The following MYNN variants were observed in gnomAD, a reference collection of about 807,000 sequenced individuals.
The protein encoded by MYNN is zinc finger and BTB domain-containing protein 31.
Under a neutral mutation model 57.2 loss-of-function variants are expected in MYNN, and 22 were observed. The observed-to-expected ratio is 0.38, with a 90% CI of 0.27 to 0.55. The LOEUF is 0.55. Ranked by LOEUF, MYNN falls within the 20% of genes least tolerant of loss-of-function variation. MYNN has a pLI of 0.71. For synonymous variants in MYNN, 241 were observed against 257.1 expected (o/e 0.94, Z 0.60); for missense variants, 566 against 723.1 (o/e 0.78, Z 2.49).
chr3:169,784,818 G>T, intron 7 of MYNN, 110 bp downstream of exon 7: 1 of 600,102 alleles, frequency 1.7e-6, no homozygotes, highest in Non-Finnish European at 2.7e-6. Context: ...GTTTAAATTA[G>T]ATGTCTATTT....
Position 169,784,633 on chromosome 3 carries a change from T to C in MYNN, c.1495T>C (p.Phe499Leu), listed in dbSNP as rs747161611. Residue 499 changes from phenylalanine (F) to leucine (L), a missense_variant, in exon 7 of 8, where the codon TTT (phenylalanine) becomes CTT (leucine). Phe to Leu is a conservative substitution (Grantham distance 22). Around this residue, in one of 4 missense-constraint regions of MYNN, gnomAD observed 156 missense variants for 163.9 expected, o/e 0.95. Transcript: ENST00000349841. ...AATTTGTTTTTCAGGAGAAAGACCA[T>C]TTATCTGCGAATTATGTGGAAATTC... ...HFRSHTGERP[F>L]ICELCGNSYT... is the part of the protein sequence containing the mutation. 1.3e-6 allele frequency: 2 copies of C among 1,568,700 alleles called. No homozygotes were observed. The highest frequency in any genetic ancestry group is 1.7e-4 in the Middle Eastern group (1 of 5,952).
Position 169,782,459 on chromosome 3 carries a change from T to G in MYNN, c.1221-6T>G. On this transcript the variant is annotated splice_polypyrimidine_tract_variant and splice_region_variant and intron_variant, in intron 4 of 7. Coordinates refer to ENST00000349841, the MANE Select transcript of MYNN (RefSeq NM_018657.5). This position sits in a 1 kb window ranked among gnomAD's most constrained non-coding sequence, Gnocchi z 4.8. ...GTTTTACTTATTTAACTTTATTTAC[T>G]AACAGGAAGCATAGTGGAGAGAAGC... The G allele has an allele frequency of 6.3e-7, 1 of 1,596,858 alleles. No individual in the cohort carries two copies. The highest frequency in any genetic ancestry group is 8.5e-7 in the Non-Finnish European group (1 of 1,172,386).
intron 4 of MYNN, among the ~76,000 whole-genome samples, chr3:169,781,038 CAG>C (rs1341527452): frequency 6.6e-6 from 1 of 152,144 alleles, no homozygotes; most frequent in African/African-American, 2.4e-5. Flanking sequence ...AGAGTGGAAT[CAG>C]GGTAAACAGG....
At position 169,789,460 on chromosome 3, in the gene MYNN, A is replaced by C. The variant is rs371392440; in HGVS notation, c.*2782A>C. 1 of 152,196 alleles carries C rather than the reference A, an allele frequency of 6.6e-6. No homozygotes were observed. Among genetic ancestry groups the C allele is most frequent in the Admixed American group, 6.6e-5 (1 of 15,262 alleles). The allele number at this position is 152,196 out of a possible 1,614,324, so 9.4% of individuals were successfully genotyped here. A position where few individuals can be genotyped will look rare whatever the true frequency, so the allele number is the denominator to read the frequency against. ...TTGAATCAGACAGTTCCCAGGGCAT[A>C]TATATGCTGGGGAAGCCCCATAGGT... On this transcript the variant is annotated 3_prime_UTR_variant, in exon 8 of 8. Transcript: ENST00000349841.
chr3:169,785,488 T>C (rs574252264), intron 7 of MYNN, among the ~76,000 whole-genome samples: 78 of 151,912 alleles, frequency 5.1e-4, no homozygotes, highest in African/African-American at 1.7e-3. Context: ...ACTAAATAAA[T>C]AGGGAAAATG....
At position 169,786,784 on chromosome 3, in the gene MYNN, T is replaced by G; in HGVS notation, c.*106T>G. 4 of 1,198,260 alleles carry G rather than the reference T, an allele frequency of 3.3e-6. No individual in the cohort carries two copies. The highest frequency in any genetic ancestry group is 4.6e-6 in the Non-Finnish European group (4 of 865,792). The allele number at this position is 1,198,260 out of a possible 1,614,324, so 74.2% of individuals were successfully genotyped here. On this transcript the variant is annotated 3_prime_UTR_variant, in exon 8 of 8. Transcript: ENST00000349841. ...CCATTCATTTGAGTTGTGACCATTA[T>G]TTTTCATTCACTGAAGTAAAAGCAC...
chr3:169,779,339 G>A lies in MYNN; in HGVS notation c.838G>A (p.Val280Ile), dbSNP rs758209090. 1.2e-5 allele frequency: 20 copies of A among 1,614,054 alleles called. No individual in the cohort carries two copies. Among genetic ancestry groups the A allele is most frequent in the South Asian group, 9.9e-5 (9 of 91,090 alleles). ...ACACTCTATGTCTAATATAGCCAGC[G>A]TCAAGAGTCCTTATGAGGCGGAGAA... is the stretch of plus-strand genomic sequence containing the variant. Reference protein sequence around the residue: ...KEHSMSNIASVKSPYEAENSG... With the variant: ...KEHSMSNIASIKSPYEAENSG... The change falls in exon 3 of 8, where the codon GTC becomes ATC. Residue 280 changes from valine to isoleucine, a missense_variant. Physicochemically the swap from Val to Ile is conservative, Grantham distance 29. Transcript: ENST00000349841.
chr3:169,778,959 G>C lies in MYNN; in HGVS notation c.458G>C (p.Arg153Pro). The C allele has an allele frequency of 1.2e-6, 2 of 1,613,694 alleles. No homozygotes were observed. Among genetic ancestry groups the C allele is most frequent in the Non-Finnish European group, 1.7e-6 (2 of 1,179,978 alleles). ...CTTACTCTGCGAGATTATAATAATC[G>C]AGAGAAATCAGAAGTATCTACAGAT... The part of the protein sequence containing the change: ...CLLTLRDYNN[R>P]EKSEVSTDLI... Residue 153 changes from arginine to proline, a missense_variant, in exon 3 of 8, where the codon CGA becomes CCA. By Grantham distance (103) the Arg-to-Pro change is moderately radical. This residue lies in a region of MYNN where 261 missense variants were observed against 280.8 expected (regional missense o/e 0.93). Coordinates refer to ENST00000349841, the MANE Select transcript of MYNN (RefSeq NM_018657.5).
intron 1 of MYNN, 82 bp downstream of exon 1, chr3:169,773,544 C>A (rs1577390821): frequency 1.3e-5 from 2 of 152,652 alleles, no homozygotes; most frequent in East Asian, 3.8e-4. Context: ...CTTGGAGTTC[C>A]AGCACGGGTC....
At chr3:169,778,447 G>T (rs1577395298) in intron 2 of MYNN, 1 of 197,606 alleles carries the variant, frequency 5.1e-6, no homozygotes. Flanking sequence ...AATGGAGGAG[G>T]TAGTGAGTTA....
At chr3:169,784,015 G>A (rs1778599009) in intron 6 of MYNN, among the ~76,000 whole-genome samples, 1 of 151,904 alleles carries the variant, frequency 6.6e-6, no homozygotes, top group South Asian at 2.1e-4. Context: ...AAAGGAAAAT[G>A]CCACTTTGAA....
In MYNN at chr3:169,774,262, T is replaced by G; in HGVS notation, c.-31-3T>G. On this transcript the variant is annotated splice_polypyrimidine_tract_variant and splice_region_variant and intron_variant, in intron 1 of 7. Transcript: ENST00000349841. ...TGATTTACTGTTTCTTTTTGTCTTTTAGATCAAGGGTAAAATTCCATTCTG... is the reference window on the plus strand; with the variant it reads ...TGATTTACTGTTTCTTTTTGTCTTTGAGATCAAGGGTAAAATTCCATTCTG... 1 of 1,602,866 alleles carries G rather than the reference T, an allele frequency of 6.2e-7. No homozygotes were observed. Among genetic ancestry groups the G allele is most frequent in the African/African-American group, 1.3e-5 (1 of 74,618 alleles).
In MYNN at chr3:169,782,376, G is replaced by T; in HGVS notation, c.1221-89G>T. 8.2e-6 allele frequency: 9 copies of T among 1,095,358 alleles called. No homozygotes were observed. Among genetic ancestry groups the T allele is most frequent in the Non-Finnish European group, 1.2e-5 (9 of 772,230 alleles). The allele number at this position is 1,095,358 out of a possible 1,614,324, so 67.9% of individuals were successfully genotyped here. A position where few individuals can be genotyped will look rare whatever the true frequency, so the allele number is the denominator to read the frequency against. Reference sequence around the variant, plus strand: ...TAGTCTTGGCCTGTTAAGATGACATGAAATAAAATCTATAAAAAACTTTAT... The same window carrying T: ...TAGTCTTGGCCTGTTAAGATGACATTAAATAAAATCTATAAAAAACTTTAT... On this transcript the variant is annotated intron_variant, in intron 4 of 7. Transcript: ENST00000349841. This position sits in a 1 kb window ranked among gnomAD's most constrained non-coding sequence, Gnocchi z 4.8.
chr3:169,788,086 T>C lies in MYNN; in HGVS notation c.*1408T>C, dbSNP rs1778722767. 1 of 152,134 alleles carries C rather than the reference T, an allele frequency of 6.6e-6. No homozygotes were observed. The highest frequency in any genetic ancestry group is 1.5e-5 in the Non-Finnish European group (1 of 67,988). 9.4% of individuals were successfully genotyped at this position (152,134 alleles called of 1,614,324 possible). ...CTACACCTGTAGTACAGTTAATATGTTTTTTATTGGTATTGATTTCTTTAA... is the reference window on the plus strand; with the variant it reads ...CTACACCTGTAGTACAGTTAATATGCTTTTTATTGGTATTGATTTCTTTAA... On this transcript the variant is annotated 3_prime_UTR_variant, in exon 8 of 8. Transcript: ENST00000349841.
In MYNN at chr3:169,779,249, A is replaced by G. The variant is rs957917872; in HGVS notation, c.748A>G (p.Ile250Val). 9 of 1,614,070 alleles carry G rather than the reference A, an allele frequency of 5.6e-6. No homozygotes were observed. The highest frequency in any genetic ancestry group is 1.1e-5 in the South Asian group (1 of 91,094). The change falls in exon 3 of 8, where the codon ATT (isoleucine) becomes GTT (valine). Residue 250 changes from isoleucine to valine, a missense_variant. Physicochemically the swap from Ile to Val is conservative, Grantham distance 29. Around this residue, in one of 4 missense-constraint regions of MYNN, gnomAD observed 261 missense variants for 280.8 expected, o/e 0.93. Coordinates refer to ENST00000349841, the MANE Select transcript of MYNN (RefSeq NM_018657.5). ...VVENTFPAQD[I>V]VHTVTVKRKR... The stretch of plus-strand genomic sequence containing the variant: ...GGAAAATACTTTTCCAGCACAAGAT[A>G]TTGTGCACACTGTTACAGTGAAACG...
At chr3:169,786,351 A>C (rs1296934100) in intron 7 of MYNN, 65 bp from the exon 8 acceptor site, 1 of 1,451,120 alleles carries the variant, frequency 6.9e-7, no homozygotes, top group African/African-American at 1.4e-5. Flanking sequence ...TAAGTACATT[A>C]GTCTACCTCA....
intron 2 of MYNN, 52 bp from the exon 3 acceptor site, chr3:169,778,716 C>G: frequency 1.4e-6 from 2 of 1,458,358 alleles, no homozygotes; most frequent in South Asian, 2.7e-5. Context: ...AGCTCTGTTT[C>G]GAAAGTTTTT....
intron 3 of MYNN, 199 bp from the exon 4 acceptor site, chr3:169,780,391 T>A (rs1012970599): frequency 2.2e-6 from 1 of 462,564 alleles, no homozygotes; most frequent in African/African-American, 2.0e-5. Context: ...CTGTATGTAT[T>A]TATCTCGTGA....
intron 3 of MYNN, chr3:169,780,305 G>A (rs193241419): frequency 7.6e-4 from 155 of 205,048 alleles, no homozygotes; most frequent in African/African-American, 3.0e-3. Flanking sequence ...TGATCCGCCC[G>A]CCTCCGCCTT....
Sources: allele counts gnomAD v4.1 joint callset (sites outside exome capture counted in the v4.1 genomes callset), GRCh38; gene constraint gnomAD v4.1.1; regional missense constraint gnomAD v4.1.1; non-coding constraint Gnocchi (gnomAD v3.1); transcripts MANE v1.5; gene names NCBI Gene and HGNC (gene_info 2026-07-23, HGNC 2026-07-21).